Variants in SERTAD4 observed in about 807,000 individuals in gnomAD.
The protein encoded by SERTAD4 is SERTA domain-containing protein 4.
Under a neutral mutation model 32.9 loss-of-function variants are expected in SERTAD4, and 18 were observed. The ratio of observed to expected loss-of-function variants is 0.55; its 90% CI spans 0.38 to 0.81. The LOEUF (loss-of-function observed/expected upper bound fraction) is 0.81. Among genes scored for constraint, SERTAD4 ranks in the 30% least tolerant of loss-of-function variants. SERTAD4 has a pLI of 0.00. For synonymous variants in SERTAD4, 150 were observed against 156.4 expected, an observed-to-expected ratio of 0.96 and a Z score of 0.30; for missense variants, 383 against 426.0, an observed-to-expected ratio of 0.90 and a Z score of 0.89.
chr1:210,244,814 A>G lies in SERTAD4; in HGVS notation c.*2477A>G, dbSNP rs2084032112. The G allele has an allele frequency of 1.3e-5, 2 of 152,162 alleles. No individual in the cohort carries two copies. Among genetic ancestry groups the G allele is most frequent in the Non-Finnish European group, 2.9e-5 (2 of 68,018 alleles). 9.4% of individuals were successfully genotyped at this position (152,162 alleles called of 1,614,324 possible). ...GAACCCACTAGAATCACTTCTCTGT[A>G]GGATAAGTGATGCCTTTGAATCCAG... On this transcript the variant is annotated 3_prime_UTR_variant, in exon 4 of 4. Transcript: ENST00000367012.
At chr1:210,236,864 T>C (rs2083944992) in intron 1 of SERTAD4, among the ~76,000 whole-genome samples, 1 of 152,198 alleles carries the variant, frequency 6.6e-6, no homozygotes, top group African/African-American at 2.4e-5. Flanking sequence ...TAGGTCTTTT[T>C]ACCTTCATAT....
Position 210,241,935 on chromosome 1 carries a change from T to TTCTTCCTCCTCA in SERTAD4, c.678_689dup (p.Ser229_Ser232dup). ...CTGCTGCCTCCTCTCCCTCCGCCTCTTCTTCCTCCTCATCTTCCTCTTCCT... is the reference window on the plus strand; with the variant it reads ...CTGCTGCCTCCTCTCCCTCCGCCTCTTCTTCCTCCTCATCTTCCTCCTCATCTTCCTCTTCCT... On this transcript the variant is annotated inframe_insertion, in exon 4 of 4. Coordinates refer to ENST00000367012, the MANE Select transcript of SERTAD4 (RefSeq NM_019605.5). 1.2e-6 allele frequency: 2 copies of TTCTTCCTCCTCA among 1,614,172 alleles called. No homozygotes were observed. Among genetic ancestry groups the TTCTTCCTCCTCA allele is most frequent in the Non-Finnish European group, 8.5e-7 (1 of 1,180,018 alleles).
intron 3 of SERTAD4, 139 bp from the exon 4 acceptor site, chr1:210,241,419 C>A: frequency 2.3e-6 from 2 of 863,794 alleles, no homozygotes; most frequent in Non-Finnish European, 1.7e-6. Context: ...CCCTGCGGAA[C>A]AAGACCACAA....
At chr1:210,239,796 A>T (rs2083977561) in intron 3 of SERTAD4, among the ~76,000 whole-genome samples, 188 bp downstream of exon 3, 1 of 152,218 alleles carries the variant, frequency 6.6e-6, no homozygotes, top group Non-Finnish European at 1.5e-5. Flanking sequence ...CTTGAAGAAA[A>T]AGCTGGCAAG....
At chr1:210,236,611 C>T (rs781569950) in intron 1 of SERTAD4, among the ~76,000 whole-genome samples, 1 of 151,848 alleles carries the variant, frequency 6.6e-6, no homozygotes, top group Admixed American at 6.6e-5. Flanking sequence ...TAGTCTCCCA[C>T]GAGACAATGG....
chr1:210,241,472 A>T, intron 3 of SERTAD4, 86 bp from the exon 4 acceptor site: 2 of 1,323,030 alleles, frequency 1.5e-6, no homozygotes, highest in Non-Finnish European at 2.1e-6. Context: ...GTATGCTATG[A>T]TGATGTTTTC....
chr1:210,241,758 G>A lies in SERTAD4; in HGVS notation c.492G>A (p.Trp164Ter). Residue 164 changes from tryptophan (W) to a stop codon, truncating the protein, a stop_gained, in exon 4 of 4, where the codon TGG becomes TGA. Coordinates refer to ENST00000367012, the MANE Select transcript of SERTAD4 (RefSeq NM_019605.5). LOFTEE classifies it high-confidence loss of function. ...CSFNGTSAQE[W>*]FMAQDCPYRK... ...TCAATGGCACCTCTGCCCAAGAGTG[G>A]TTTATGGCTCAAGACTGCCCTTACC... 6.2e-7 allele frequency: 1 copy of A among 1,614,012 alleles called. No homozygotes were observed. Among genetic ancestry groups the A allele is most frequent in the Non-Finnish European group, 8.5e-7 (1 of 1,179,990 alleles).
At position 210,245,755 on chromosome 1, in the gene SERTAD4, A is replaced by G. The variant is rs1207754468; in HGVS notation, c.*3418A>G. 1 of 981,920 alleles carries G rather than the reference A, an allele frequency of 1.0e-6. No homozygotes were observed. The highest frequency in any genetic ancestry group is 1.2e-6 in the Non-Finnish European group (1 of 826,852). 60.8% of individuals were successfully genotyped at this position (981,920 alleles called of 1,614,324 possible). ...TGGCTACCCACCCCTCCAGTTATGA[A>G]CTTGTATTACAGCTCCACTTGGTGA... On this transcript the variant is annotated 3_prime_UTR_variant, in exon 4 of 4. Coordinates refer to ENST00000367012, the MANE Select transcript of SERTAD4 (RefSeq NM_019605.5).
chr1:210,241,803 C>G lies in SERTAD4; in HGVS notation c.537C>G (p.Ala179=). ...CTTACCGAAAACGACCACGGATGGC[C>G]AAAGAGGAATGTGAAAAGTTTCATG... ...DCPYRKRPRM[A]KEECEKFHAC... is the part of the protein sequence containing the mutation. Residue 179 remains alanine (A), a synonymous_variant, in exon 4 of 4, where the codon GCC becomes GCG. Transcript: ENST00000367012. The G allele has an allele frequency of 6.2e-7, 1 of 1,614,032 alleles. No homozygotes were observed. Among genetic ancestry groups the G allele is most frequent in the South Asian group, 1.1e-5 (1 of 91,072 alleles).
chr1:210,233,639 T>C (rs2147842535), intron 1 of SERTAD4: 2 of 468,602 alleles, frequency 4.3e-6, no homozygotes, highest in African/African-American at 2.0e-5. Context: ...GCTCACCTCC[T>C]CGGCGGGCTG....
At chr1:210,241,488 G>T in intron 3 of SERTAD4, 70 bp from the exon 4 acceptor site, 1 of 1,430,616 alleles carries the variant, frequency 7.0e-7, no homozygotes, top group Non-Finnish European at 9.4e-7. Context: ...TTTTCATATA[G>T]TCCATTTTCT....
chr1:210,241,811 A>G lies in SERTAD4; in HGVS notation c.545A>G (p.Glu182Gly). ...YRKRPRMAKEECEKFHACCFY... is the reference protein window; with the variant it reads ...YRKRPRMAKEGCEKFHACCFY... ...AAACGACCACGGATGGCCAAAGAGG[A>G]ATGTGAAAAGTTTCATGCCTGCTGC... Residue 182 changes from glutamate (E) to glycine (G), a missense_variant, in exon 4 of 4, where the codon GAA becomes GGA. Physicochemically the swap from Glu to Gly is moderately conservative, Grantham distance 98. This residue lies in a region of SERTAD4 where 107 missense variants were observed against 158.8 expected (regional missense o/e 0.67). Transcript: ENST00000367012. The G allele has an allele frequency of 6.2e-7, 1 of 1,614,118 alleles. No homozygotes were observed. Among genetic ancestry groups the G allele is most frequent in the Non-Finnish European group, 8.5e-7 (1 of 1,180,016 alleles).
In SERTAD4 at chr1:210,241,941, C is replaced by G. The variant is rs957908523; in HGVS notation, c.675C>G (p.Ser225=). The change falls in exon 4 of 4, where the codon TCC becomes TCG. Residue 225 remains serine, a synonymous_variant. Transcript: ENST00000367012. The part of the protein sequence containing the change: ...TAASSPSASS[S]SSSSSSSPPL... ...CCTCCTCTCCCTCCGCCTCTTCTTC[C>G]TCCTCATCTTCCTCTTCCTCTCCCC... 1.2e-6 allele frequency: 2 copies of G among 1,613,992 alleles called. No homozygotes were observed. Among genetic ancestry groups the G allele is most frequent in the Non-Finnish European group, 1.7e-6 (2 of 1,179,994 alleles).
At chr1:210,240,806 T>C (rs1451072187) in intron 3 of SERTAD4, among the ~76,000 whole-genome samples, 1 of 152,154 alleles carries the variant, frequency 6.6e-6, no homozygotes, top group African/African-American at 2.4e-5. Flanking sequence ...TGAGCCTCAT[T>C]CATTAGTGTG....
In SERTAD4 at chr1:210,245,745, C is replaced by A; in HGVS notation, c.*3408C>A. On this transcript the variant is annotated 3_prime_UTR_variant, in exon 4 of 4. Transcript: ENST00000367012. ...CATCAAGACATGGCTACCCACCCCT[C>A]CAGTTATGAACTTGTATTACAGCTC... 4 of 942,918 alleles carry A rather than the reference C, an allele frequency of 4.2e-6. No individual in the cohort carries two copies. Among genetic ancestry groups the A allele is most frequent in the Non-Finnish European group, 5.1e-6 (4 of 791,250 alleles). The allele number at this position is 942,918 out of a possible 1,614,324, so 58.4% of individuals were successfully genotyped here. A position where few individuals can be genotyped will look rare whatever the true frequency, so the allele number is the denominator to read the frequency against.
chr1:210,241,719 C>T lies in SERTAD4; in HGVS notation c.453C>T (p.Phe151=), dbSNP rs776440813. The change falls in exon 4 of 4, where the codon TTC becomes TTT. Residue 151 remains phenylalanine (F), a synonymous_variant. Transcript: ENST00000367012. ...GEIIMQNNWC[F]PACSFNGTSA... ...TTATCATGCAGAATAACTGGTGCTT[C>T]CCTGCCTGCTCTTTCAATGGCACCT... 6.2e-7 allele frequency: 1 copy of T among 1,614,014 alleles called. No individual in the cohort carries two copies. Among genetic ancestry groups the T allele is most frequent in the Non-Finnish European group, 8.5e-7 (1 of 1,179,990 alleles).
rs1243078331 is a variant in SERTAD4 at position 210,245,317 on chromosome 1, A to G, written c.*2980A>G. The G allele has an allele frequency of 2.0e-5, 3 of 152,158 alleles. No individual in the cohort carries two copies. Among genetic ancestry groups the G allele is most frequent in the Non-Finnish European group, 4.4e-5 (3 of 68,026 alleles). The allele number at this position is 152,158 out of a possible 1,614,324, so 9.4% of individuals were successfully genotyped here. On this transcript the variant is annotated 3_prime_UTR_variant, in exon 4 of 4. Coordinates refer to ENST00000367012, the MANE Select transcript of SERTAD4 (RefSeq NM_019605.5). ...CTCCCCAAGAGTGCCTTTAATTGCT[A>G]TTCCCCTAGGCATCTGGGTGCATAT...
chr1:210,243,093 C>CAAAAAAAAA lies in SERTAD4; in HGVS notation c.*770_*778dup, dbSNP rs57426441. The CAAAAAAAAA allele has an allele frequency of 1.1e-4, 52 of 486,370 alleles. No homozygotes were observed. The highest frequency in any genetic ancestry group is 3.1e-4 in the African/African-American group (10 of 32,038). 30.1% of individuals were successfully genotyped at this position (486,370 alleles called of 1,614,324 possible). Reference sequence around the variant, plus strand: ...TACAGCAGGGATTTAACAAACAGGACAAAAAAAAAAAAAAAAAAAAAACCA... The same window carrying CAAAAAAAAA: ...TACAGCAGGGATTTAACAAACAGGACAAAAAAAAAAAAAAAAAAAAAAAAAAAAAAACCA... On this transcript the variant is annotated 3_prime_UTR_variant, in exon 4 of 4. Transcript: ENST00000367012.
Position 210,241,526 on chromosome 1 carries a change from G to A in SERTAD4, c.292-32G>A, listed in dbSNP as rs199554413. The A allele has an allele frequency of 2.3e-4, 333 of 1,432,200 alleles. 5 individuals carry two copies. In the East Asian group the frequency reaches 7.1e-3, roughly 30 times the overall value. 88.7% of individuals were successfully genotyped at this position (1,432,200 alleles called of 1,614,324 possible). On this transcript the variant is annotated intron_variant, in intron 3 of 3. Transcript: ENST00000367012. ...GCTTTCTCTCTTCCTTTTTCTGTTT[G>A]TTTTTTTCTTTTTTTTTTTTTTGGT...
Sources: gnomAD v4.1 joint callset for allele counts (sites outside exome capture counted in the v4.1 genomes callset) on GRCh38, gnomAD v4.1.1 for gene constraint, gnomAD v4.1.1 regional missense constraint, MANE v1.5 for transcripts, NCBI Gene and HGNC (gene_info 2026-07-23, HGNC 2026-07-21) for gene names.